Variants in AGPAT4 observed in about 807,000 individuals in gnomAD.
The protein encoded by AGPAT4 is 1-acyl-sn-glycerol-3-phosphate acyltransferase delta.
A neutral mutation model predicts 48.0 loss-of-function variants in AGPAT4; 15 were observed. The ratio of observed to expected loss-of-function variants is 0.31; its 90% CI spans 0.21 to 0.48. AGPAT4 has a LOEUF of 0.48. Ranked by LOEUF, AGPAT4 falls within the 20% of genes least tolerant of loss-of-function variation. AGPAT4 has a pLI of 0.99. For synonymous variants in AGPAT4, 178 were observed against 198.7 expected (o/e 0.90, Z 0.88); for missense variants, 314 against 482.5 (o/e 0.65, Z 3.27).
rs1008172010 is a variant in AGPAT4, at chr6:161,219,979, T to C, written c.178+12057A>G. On this transcript the variant is annotated intron_variant, in intron 2 of 8. Transcript: ENST00000320285. The surrounding 1 kb of genome is among the most constrained non-coding windows in gnomAD (Gnocchi z 4.9). ...ACAGACAGACAGACAGGCAGGCAGA[T>C]AGATACATTTAAAAAATAAATGGAT... Among the ~76,000 whole-genome samples the C allele has an allele frequency of 4.0e-5, 6 of 148,994 alleles. No homozygotes were observed. Among genetic ancestry groups the C allele is most frequent in the African/African-American group, 1.5e-4 (6 of 39,936 alleles).
In AGPAT4 at chr6:161,144,995, A is replaced by T. The variant is rs1408114409; in HGVS notation, c.843+1529T>A. Among the ~76,000 whole-genome samples the T allele has an allele frequency of 3.3e-5, 5 of 151,306 alleles. No individual in the cohort carries two copies. The highest frequency in any genetic ancestry group is 6.6e-5 in the Admixed American group (1 of 15,256). ...AACTCAGTCTCAAAAAAAAAAAATA[A>T]AAAAAGTAACATTTTATATGCTGCC... On this transcript the variant is annotated intron_variant, in intron 7 of 8. Transcript: ENST00000320285. The surrounding 1 kb of genome is among the most constrained non-coding windows in gnomAD (Gnocchi z 6.6).
chr6:161,220,015 AAT>A lies in AGPAT4; in HGVS notation c.178+12019_178+12020del, dbSNP rs1781792674. On this transcript the variant is annotated intron_variant, in intron 2 of 8. Coordinates refer to ENST00000320285, the MANE Select transcript of AGPAT4 (RefSeq NM_020133.3). The surrounding 1 kb of genome is among the most constrained non-coding windows in gnomAD (Gnocchi z 6.0). Reference sequence around the variant, plus strand: ...AAAAAATAAATGGATTATTACTCAAAATACACAAGGCTTGCTATCACAGTTAC... The same window carrying A: ...AAAAAATAAATGGATTATTACTCAAAACACAAGGCTTGCTATCACAGTTAC... 6.6e-6 allele frequency among the ~76,000 whole-genome samples: 1 copy of A among 152,124 alleles called. No homozygotes were observed. Among genetic ancestry groups the A allele is most frequent in the Admixed American group, 6.6e-5 (1 of 15,264 alleles).
chr6:161,254,137 AC>A lies in AGPAT4; in HGVS notation c.-90+19800del, dbSNP rs1217078544. On this transcript the variant is annotated intron_variant, in intron 1 of 8. Coordinates refer to ENST00000320285, the MANE Select transcript of AGPAT4 (RefSeq NM_020133.3). The surrounding 1 kb of genome is among the most constrained non-coding windows in gnomAD (Gnocchi z 5.9). ...TCTAATTATTCTATCAAAAGTATTA[AC>A]CACTTGGTCAATATATTTAACTTTT... Among the ~76,000 whole-genome samples, 8 of 152,310 alleles carry A rather than the reference AC, an allele frequency of 5.3e-5. No homozygotes were observed. In the South Asian group the frequency reaches 1.7e-3, roughly 32 times the overall value.
chr6:161,142,740 G>C lies in AGPAT4; in HGVS notation c.844-3120C>G, dbSNP rs756992247. Among the ~76,000 whole-genome samples the C allele has an allele frequency of 3.9e-5, 6 of 152,186 alleles. No homozygotes were observed. The highest frequency in any genetic ancestry group is 8.8e-5 in the Non-Finnish European group (6 of 68,034). On this transcript the variant is annotated intron_variant, in intron 7 of 8. Coordinates refer to ENST00000320285, the MANE Select transcript of AGPAT4 (RefSeq NM_020133.3). The surrounding 1 kb of genome is among the most constrained non-coding windows in gnomAD (Gnocchi z 6.4). ...AGGAAGAAGCGGCTCCTCTTAGTCAGCAAGTCTGGGCGGGGAGAGGCTCTG... is the reference window on the plus strand; with the variant it reads ...AGGAAGAAGCGGCTCCTCTTAGTCACCAAGTCTGGGCGGGGAGAGGCTCTG...
chr6:161,156,932 A>C (rs556218148), intron 3 of AGPAT4, among the ~76,000 whole-genome samples: 18 of 152,238 alleles, frequency 1.2e-4, no homozygotes, highest in Non-Finnish European at 5.9e-5. Context: ...TTCGTTTCCC[A>C]TAAGGGATAC....
intron 2 of AGPAT4, among the ~76,000 whole-genome samples, chr6:161,167,220 G>A (rs1434582095): frequency 6.6e-6 from 1 of 152,030 alleles, no homozygotes; most frequent in Non-Finnish European, 1.5e-5. Flanking sequence ...CTCTGCGAGG[G>A]TTGTGCCTCC....
intron 2 of AGPAT4, among the ~76,000 whole-genome samples, chr6:161,211,363 ATTCAAAGCTTAT>A (rs1781517520): frequency 6.6e-6 from 1 of 152,180 alleles, no homozygotes; most frequent in African/African-American, 2.4e-5. Context: ...TTTTTGTCTA[ATTCAAAGCTTAT>A]TTAAAAGTCA....
Position 161,147,047 on chromosome 6 carries a change from G to A in AGPAT4, c.768-448C>T, listed in dbSNP as rs982182242. ...CCAAGTAACCAACTTACTGGTAATGGCAGATTATCTCCCATCAAATGATTC... is the reference window on the plus strand; with the variant it reads ...CCAAGTAACCAACTTACTGGTAATGACAGATTATCTCCCATCAAATGATTC... On this transcript the variant is annotated intron_variant, in intron 6 of 8. Transcript: ENST00000320285. This position sits in a 1 kb window ranked among gnomAD's most constrained non-coding sequence, Gnocchi z 4.8. 6.6e-6 allele frequency among the ~76,000 whole-genome samples: 1 copy of A among 152,174 alleles called. No individual in the cohort carries two copies. Among genetic ancestry groups the A allele is most frequent in the Non-Finnish European group, 1.5e-5 (1 of 68,030 alleles).
chr6:161,251,057 GAAGT>G lies in AGPAT4; in HGVS notation c.-89-18759_-89-18756del, dbSNP rs1292091791. Reference sequence around the variant, plus strand: ...GCTTATTGGAGGTTTAAATTACGATGAAGTAAGAACTGTAATTTCTTTCATAATG... The same window carrying G: ...GCTTATTGGAGGTTTAAATTACGATGAAGAACTGTAATTTCTTTCATAATG... On this transcript the variant is annotated intron_variant, in intron 1 of 8. Transcript: ENST00000320285. This position sits in a 1 kb window ranked among gnomAD's most constrained non-coding sequence, Gnocchi z 4.6. Among the ~76,000 whole-genome samples, 1 of 152,186 alleles carries G rather than the reference GAAGT, an allele frequency of 6.6e-6. No individual in the cohort carries two copies. Among genetic ancestry groups the G allele is most frequent in the Non-Finnish European group, 1.5e-5 (1 of 68,030 alleles).
At chr6:161,256,981 CAG>C (rs1351107975) in intron 1 of AGPAT4, among the ~76,000 whole-genome samples, 2 of 152,230 alleles carry the variant, frequency 1.3e-5, no homozygotes, top group African/African-American at 4.8e-5. Flanking sequence ...CCCTGCAGAC[CAG>C]CCACCTTAGC....
At position 161,235,788 on chromosome 6, in the gene AGPAT4, G is replaced by A. The variant is rs559928164; in HGVS notation, c.-89-3486C>T. On this transcript the variant is annotated intron_variant, in intron 1 of 8. Transcript: ENST00000320285. This position sits in a 1 kb window ranked among gnomAD's most constrained non-coding sequence, Gnocchi z 6.2. ...TCTCAAGAGAACTCACTCATTATAC[G>A]GTACCAAGGGGGTACAGTGCTAAAC... Among the ~76,000 whole-genome samples, 26 of 152,136 alleles carry A rather than the reference G, an allele frequency of 1.7e-4. No individual in the cohort carries two copies. The highest frequency in any genetic ancestry group is 5.5e-4 in the African/African-American group (23 of 41,496).
In AGPAT4 at chr6:161,229,281, T is replaced by C. The variant is rs1782062109; in HGVS notation, c.178+2755A>G. ...GCTGCAAATCATGAATGCTGATGAC[T>C]GTCTAAGCTCAGAGTGACTCATACA... On this transcript the variant is annotated intron_variant, in intron 2 of 8. Coordinates refer to ENST00000320285, the MANE Select transcript of AGPAT4 (RefSeq NM_020133.3). This position sits in a 1 kb window ranked among gnomAD's most constrained non-coding sequence, Gnocchi z 6.0. Among the ~76,000 whole-genome samples, 3 of 152,164 alleles carry C rather than the reference T, an allele frequency of 2.0e-5. No homozygotes were observed. Among genetic ancestry groups the C allele is most frequent in the Admixed American group, 6.5e-5 (1 of 15,278 alleles).
At chr6:161,181,509 GC>G in intron 2 of AGPAT4, among the ~76,000 whole-genome samples, 6 of 125,626 alleles carry the variant, frequency 4.8e-5, no homozygotes, top group African/African-American at 1.3e-4. Context: ...GTAGCAGGGG[GC>G]GGGGGGCGCT....
rs891810009 is a variant in AGPAT4 at position 161,216,324 on chromosome 6, T to G, written c.178+15712A>C. Among the ~76,000 whole-genome samples, 1 of 152,198 alleles carries G rather than the reference T, an allele frequency of 6.6e-6. No individual in the cohort carries two copies. The highest frequency in any genetic ancestry group is 2.4e-5 in the African/African-American group (1 of 41,454). On this transcript the variant is annotated intron_variant, in intron 2 of 8. Transcript: ENST00000320285. The surrounding 1 kb of genome is among the most constrained non-coding windows in gnomAD (Gnocchi z 4.8). ...AGAATAGGCAACAGCAGCCCCAGTCTCTTCTGTCCTCAAGCAAACGTCTGC... is the reference window on the plus strand; with the variant it reads ...AGAATAGGCAACAGCAGCCCCAGTCGCTTCTGTCCTCAAGCAAACGTCTGC...
At chr6:161,247,735 G>C (rs1244750806) in intron 1 of AGPAT4, among the ~76,000 whole-genome samples, 1 of 152,008 alleles carries the variant, frequency 6.6e-6, no homozygotes, top group Non-Finnish European at 1.5e-5. Context: ...TGTAATCACA[G>C]ATTTTGGGAG....
rs1294477501 is a variant in AGPAT4, at chr6:161,222,121, C to T, written c.178+9915G>A. ...CAGCCTGAAACACCTTCCTTGTCACCCCTGGTCTCAGGGCCTCTGCCACAC... is the reference window on the plus strand; with the variant it reads ...CAGCCTGAAACACCTTCCTTGTCACTCCTGGTCTCAGGGCCTCTGCCACAC... On this transcript the variant is annotated intron_variant, in intron 2 of 8. Transcript: ENST00000320285. This position sits in a 1 kb window ranked among gnomAD's most constrained non-coding sequence, Gnocchi z 5.9. 1.3e-5 allele frequency among the ~76,000 whole-genome samples: 2 copies of T among 152,182 alleles called. No homozygotes were observed. Among genetic ancestry groups the T allele is most frequent in the Non-Finnish European group, 2.9e-5 (2 of 68,040 alleles).
At chr6:161,269,630 G>A (rs1219323705) in intron 1 of AGPAT4, among the ~76,000 whole-genome samples, 1 of 152,108 alleles carries the variant, frequency 6.6e-6, no homozygotes, top group Non-Finnish European at 1.5e-5. Context: ...GGGTGACAGA[G>A]CGAGACCCTG....
rs1402334115 is a variant in AGPAT4 at position 161,154,030 on chromosome 6, C to A, written c.510+119G>T. 4.4e-6 allele frequency: 6 copies of A among 1,366,322 alleles called. No individual in the cohort carries two copies. Among genetic ancestry groups the A allele is most frequent in the Non-Finnish European group, 6.1e-6 (6 of 977,542 alleles). The allele number at this position is 1,366,322 out of a possible 1,614,324, so 84.6% of individuals were successfully genotyped here. On this transcript the variant is annotated intron_variant, in intron 4 of 8. Transcript: ENST00000320285. This position sits in a 1 kb window ranked among gnomAD's most constrained non-coding sequence, Gnocchi z 7.8. ...GGTTATACACAGCCCTATGGTCACA[C>A]ACAGCCCTGGAGTCGCACAGGACCA...
intron 1 of AGPAT4, among the ~76,000 whole-genome samples, chr6:161,239,291 T>C (rs1264094794): frequency 6.6e-6 from 1 of 152,196 alleles, no homozygotes; most frequent in Non-Finnish European, 1.5e-5. Flanking sequence ...CCAAACCGCA[T>C]CCTTCTCTAT....
Sources: allele counts gnomAD v4.1 joint callset (sites outside exome capture counted in the v4.1 genomes callset), GRCh38; gene constraint gnomAD v4.1.1; non-coding constraint Gnocchi (gnomAD v3.1); transcripts MANE v1.5; gene names NCBI Gene and HGNC (gene_info 2026-07-23, HGNC 2026-07-21).